KIAA1549L: variants seen among roughly 807,000 people sequenced by gnomAD.
The protein encoded by KIAA1549L is KIAA1549 like.
In KIAA1549L, 88 loss-of-function variants were observed where a neutral mutation model predicts 160.7. The ratio of observed to expected loss-of-function variants is 0.55; its 90% confidence interval spans 0.46 to 0.65. KIAA1549L has a LOEUF of 0.65. Ranked by LOEUF, KIAA1549L falls within the 30% of genes least tolerant of loss-of-function variation. KIAA1549L has a pLI of 0.00. For missense variants in KIAA1549L, 2,258 were observed against 2,437.5 expected (o/e 0.93, Z 1.55); for synonymous variants, 950 against 976.7 (o/e 0.97, Z 0.51).
rs770620980 is a variant in KIAA1549L, at chr11:33,544,790, C to T, written c.2797C>T (p.Gln933Ter). ...AGCGGACACAGTATCATCTAAGGTA[C>T]AGCCAACAGCAGCAGCTGCCGTCAC... Reference protein sequence around the residue: ...WTADTVSSKVQPTAAAAVTLF... With the variant: ...WTADTVSSKV Residue 933 changes from glutamine to a stop codon, truncating the protein, a stop_gained, in exon 3 of 21, where the codon CAG becomes TAG. Coordinates refer to ENST00000658780, the MANE Select transcript of KIAA1549L (RefSeq NM_012194.3). LOFTEE classifies it high-confidence loss of function. 1 of 1,605,172 alleles carries T rather than the reference C, an allele frequency of 6.2e-7. No homozygotes were observed. Among genetic ancestry groups the T allele is most frequent in the Non-Finnish European group, 8.5e-7 (1 of 1,173,672 alleles).
chr11:33,479,750 G>A (rs572958307), intron 1 of KIAA1549L, among the ~76,000 whole-genome samples: 39 of 152,256 alleles, frequency 2.6e-4, no homozygotes, highest in African/African-American at 9.1e-4. Flanking sequence ...AGAATTGTTG[G>A]GAGGGAAAAC....
At chr11:33,578,402 T>A (rs1397181805) in intron 10 of KIAA1549L, among the ~76,000 whole-genome samples, 4 of 152,162 alleles carry the variant, frequency 2.6e-5, no homozygotes, top group Non-Finnish European at 5.9e-5. Context: ...GTCCTCTCAG[T>A]TCCCTTCCAC....
chr11:33,394,618 C>T (rs1288727789), intron 1 of KIAA1549L, among the ~76,000 whole-genome samples: 2 of 152,162 alleles, frequency 1.3e-5, no homozygotes, highest in Admixed American at 6.5e-5. Context: ...GGGCATCTGT[C>T]ACGGCTCCTG....
In KIAA1549L at chr11:33,544,968, G is replaced by T. The variant is rs749756407; in HGVS notation, c.2975G>T (p.Gly992Val). ...AKNVTNKAAS[G>V]PKRTPGAVHT... ...AATGTCACAAACAAGGCCGCATCTG[G>T]CCCAAAGAGGACACCAGGGGCAGTC... Residue 992 changes from glycine to valine, a missense_variant, in exon 3 of 21, where the codon GGC becomes GTC. Around this residue, in one of 6 missense-constraint regions of KIAA1549L, gnomAD observed 1,359 missense variants for 1,546.6 expected, o/e 0.88. Coordinates refer to ENST00000658780, the MANE Select transcript of KIAA1549L (RefSeq NM_012194.3). 2 of 1,613,912 alleles carry T rather than the reference G, an allele frequency of 1.2e-6. No homozygotes were observed. The highest frequency in any genetic ancestry group is 8.5e-7 in the Non-Finnish European group (1 of 1,179,862).
rs575048862 is a variant in KIAA1549L at position 33,673,034 on chromosome 11, G to T, written c.*4880G>T. On this transcript the variant is annotated 3_prime_UTR_variant, in exon 21 of 21. Coordinates refer to ENST00000658780, the MANE Select transcript of KIAA1549L (RefSeq NM_012194.3). ...AACTTAGTGTCCTGAGAATTGAAAG[G>T]CCTCTTGATTTCTTAGGTGAACTGT... The T allele has an allele frequency of 2.6e-5, 4 of 152,218 alleles. No individual in the cohort carries two copies. The highest frequency in any genetic ancestry group is 5.9e-5 in the Non-Finnish European group (4 of 68,028). 9.4% of individuals were successfully genotyped at this position (152,218 alleles called of 1,614,324 possible).
chr11:33,639,879 C>G (rs529846212), intron 16 of KIAA1549L, among the ~76,000 whole-genome samples: 1 of 152,274 alleles, frequency 6.6e-6, no homozygotes, highest in South Asian at 2.1e-4. Flanking sequence ...CTTACTCCAG[C>G]TTTGTTCATA....
intron 1 of KIAA1549L, among the ~76,000 whole-genome samples, chr11:33,397,750 AC>A (rs1590218342): frequency 1.7e-5 from 2 of 116,736 alleles, no homozygotes; most frequent in African/African-American, 5.4e-5. Context: ...ACACACACAC[AC>A]ACACAAAAGT....
intron 16 of KIAA1549L, among the ~76,000 whole-genome samples, chr11:33,637,207 G>A (rs529136624): frequency 3.3e-5 from 5 of 152,250 alleles, no homozygotes; most frequent in African/African-American, 1.2e-4. Flanking sequence ...CATCTAATCT[G>A]TCAGCAGCTC....
intron 13 of KIAA1549L, among the ~76,000 whole-genome samples, chr11:33,601,860 T>A (rs1564919052): frequency 6.6e-6 from 1 of 152,200 alleles, no homozygotes; most frequent in Non-Finnish European, 1.5e-5. Flanking sequence ...CCACATCAGT[T>A]ACCATCGCTG....
chr11:33,621,827 A>G (rs4755765), intron 16 of KIAA1549L, among the ~76,000 whole-genome samples: 90,066 of 152,110 alleles, frequency 0.59, 26,776 homozygotes, highest in Middle Eastern at 0.66. Context: ...GCACCTCTTC[A>G]ACATTGATCT....
chr11:33,580,083 C>T (rs576744545), intron 10 of KIAA1549L, among the ~76,000 whole-genome samples: 65 of 152,262 alleles, frequency 4.3e-4, no homozygotes, highest in African/African-American at 1.5e-3. Context: ...CGTGACTCAC[C>T]CCATCACCTC....
intron 1 of KIAA1549L, among the ~76,000 whole-genome samples, chr11:33,394,127 C>A (rs983753314): frequency 6.6e-6 from 1 of 152,170 alleles, no homozygotes; most frequent in African/African-American, 2.4e-5. Context: ...AATCCCAGCA[C>A]TTTGAGAGGC....
chr11:33,378,761 C>T (rs1303797037), intron 1 of KIAA1549L, among the ~76,000 whole-genome samples: 4 of 152,082 alleles, frequency 2.6e-5, no homozygotes, highest in Admixed American at 1.3e-4. Flanking sequence ...GTGGGTTTGC[C>T]ACTGATTCAA....
At chr11:33,665,354 C>T (rs1564949802) in intron 20 of KIAA1549L, 2 of 152,086 alleles carry the variant, frequency 1.3e-5, no homozygotes, top group East Asian at 1.9e-4. Context: ...GAGGGTGGCT[C>T]CTCTCTGCCC....
At chr11:33,519,117 C>CTAA (rs1565166923) in intron 1 of KIAA1549L, among the ~76,000 whole-genome samples, 2 of 152,072 alleles carry the variant, frequency 1.3e-5, no homozygotes, top group African/African-American at 4.8e-5. Flanking sequence ...TGAGAACTGT[C>CTAA]TAATGTAGGT....
At chr11:33,568,282 A>G in intron 9 of KIAA1549L, 55 bp downstream of exon 9, 2 of 1,519,806 alleles carry the variant, frequency 1.3e-6, no homozygotes, top group Non-Finnish European at 1.8e-6. Flanking sequence ...AGAGGGGGGG[A>G]TGTGCTTCCT....
chr11:33,406,369 T>G (rs1850652191), intron 1 of KIAA1549L, among the ~76,000 whole-genome samples: 1 of 152,162 alleles, frequency 6.6e-6, no homozygotes, highest in African/African-American at 2.4e-5. Context: ...CGACTTATGC[T>G]TCACACGTGC....
chr11:33,394,776 C>T (rs539458745), intron 1 of KIAA1549L, among the ~76,000 whole-genome samples: 1 of 152,350 alleles, frequency 6.6e-6, no homozygotes, highest in East Asian at 1.9e-4. Context: ...AGAGAGCTCT[C>T]TTTAAAGCAG....
intron 1 of KIAA1549L, among the ~76,000 whole-genome samples, chr11:33,398,099 T>G (rs950117141): frequency 6.6e-6 from 1 of 151,324 alleles, no homozygotes; most frequent in Non-Finnish European, 1.5e-5. Flanking sequence ...TTTTTGTATT[T>G]TTAGTAGAGA....
Sources: gnomAD v4.1 joint callset for allele counts (sites outside exome capture counted in the v4.1 genomes callset) on GRCh38, gnomAD v4.1.1 for gene constraint, gnomAD v4.1.1 regional missense constraint, MANE v1.5 for transcripts, NCBI Gene and HGNC (gene_info 2026-07-23, HGNC 2026-07-21) for gene names.